IGF1R: variants seen among roughly 807,000 people sequenced by gnomAD.
IGF1R encodes insulin-like growth factor 1 receptor.
IGF1R carries 44 observed loss-of-function variants against 144.6 expected under a neutral mutation model. The ratio of observed to expected loss-of-function variants is 0.30; its 90% CI spans 0.24 to 0.39. The LOEUF (loss-of-function observed/expected upper bound fraction) is 0.39. Ranked by LOEUF, IGF1R falls within the 10% of genes least tolerant of loss-of-function variation. The pLI is 1.00. For synonymous variants in IGF1R, 795 were observed against 722.8 expected, an observed-to-expected ratio of 1.10 and a Z score of -1.60; for missense variants, 1,355 against 1,833.7, an observed-to-expected ratio of 0.74 and a Z score of 4.77.
intron 2 of IGF1R, among the ~76,000 whole-genome samples, chr15:98,754,109 T>G (rs2055089202): frequency 6.6e-6 from 1 of 152,222 alleles, no homozygotes; most frequent in African/African-American, 2.4e-5. Flanking sequence ...TCTTCATATT[T>G]TGTTATTAAT....
chr15:98,908,866 A>T lies in IGF1R; in HGVS notation c.1429A>T (p.Ile477Leu). The change falls in exon 6 of 21, where the codon ATA becomes TTA. Residue 477 changes from isoleucine (I) to leucine (L), a missense_variant. This residue lies in a region of IGF1R where 880 missense variants were observed against 1,202.7 expected (regional missense o/e 0.73). Transcript: ENST00000650285. ...GTKGRQSKGD[I>L]NTRNNGERAS... ...TAAAGGGCGCCAAAGCAAAGGGGAC[A>T]TAAACACCAGGAACAACGGGGAGAG... 1 of 1,614,142 alleles carries T rather than the reference A, an allele frequency of 6.2e-7. No homozygotes were observed. Among genetic ancestry groups the T allele is most frequent in the Non-Finnish European group, 8.5e-7 (1 of 1,179,980 alleles).
chr15:98,942,905 C>T lies in IGF1R; in HGVS notation c.3458-18C>T, dbSNP rs1314305091. ...GCCTGCTCCAGCGTGTGACTCTGCG[C>T]CCTCTCTTCCCTTACAGATTTTGGT... On this transcript the variant is annotated intron_variant, in intron 18 of 20. Transcript: ENST00000650285. 2 of 1,614,006 alleles carry T rather than the reference C, an allele frequency of 1.2e-6. No homozygotes were observed. Among genetic ancestry groups the T allele is most frequent in the Admixed American group, 3.3e-5 (2 of 60,024 alleles).
At chr15:98,712,848 G>A (rs550473754) in intron 2 of IGF1R, among the ~76,000 whole-genome samples, 3 of 149,948 alleles carry the variant, frequency 2.0e-5, no homozygotes, top group South Asian at 2.2e-4. Context: ...GACCTCAGGC[G>A]ATCCACCGGT....
At chr15:98,802,946 G>A (rs2056392096) in intron 2 of IGF1R, among the ~76,000 whole-genome samples, 1 of 152,126 alleles carries the variant, frequency 6.6e-6, no homozygotes, top group African/African-American at 2.4e-5. Context: ...GGTTGACACC[G>A]AACTAATGAT....
intron 2 of IGF1R, among the ~76,000 whole-genome samples, chr15:98,884,853 C>CT (rs1050577435): frequency 6.6e-6 from 1 of 152,108 alleles, no homozygotes; most frequent in African/African-American, 2.4e-5. Flanking sequence ...TATTTTTCCT[C>CT]TTAAGAGTAG....
chr15:98,809,128 C>T (rs868065268), intron 2 of IGF1R, among the ~76,000 whole-genome samples: 17 of 152,140 alleles, frequency 1.1e-4, no homozygotes, highest in African/African-American at 3.9e-4. Flanking sequence ...CTATATATTC[C>T]AGGACTCTGT....
At chr15:98,720,103 G>A (rs527709465) in intron 2 of IGF1R, among the ~76,000 whole-genome samples, 1 of 152,310 alleles carries the variant, frequency 6.6e-6, no homozygotes, top group South Asian at 2.1e-4. Context: ...TCAGATGCCA[G>A]CTCCTCAGCC....
chr15:98,905,988 T>A (rs2014713873), intron 5 of IGF1R, among the ~76,000 whole-genome samples: 1 of 152,242 alleles, frequency 6.6e-6, no homozygotes. Flanking sequence ...GGTTTTATTT[T>A]TATTTTTCTT....
intron 2 of IGF1R, among the ~76,000 whole-genome samples, chr15:98,840,915 A>G (rs1338498156): frequency 6.6e-6 from 1 of 152,014 alleles, no homozygotes; most frequent in Non-Finnish European, 1.5e-5. Context: ...TCCTGACCTC[A>G]GGTGATCCGC....
chr15:98,939,340 A>G lies in IGF1R; in HGVS notation c.3437A>G (p.Asp1146Gly). ...GCCCGGAATTGCATGGTAGCCGAAG[A>G]TTTCACAGTCAAAATCGGAGGTGTG... ...LAARNCMVAE[D>G]FTVKIGDFGM... Residue 1146 changes from aspartate to glycine, a missense_variant, in exon 18 of 21, where the codon GAT becomes GGT. Around this residue, in one of 7 missense-constraint regions of IGF1R, gnomAD observed 77 missense variants for 163.2 expected, o/e 0.47. Transcript: ENST00000650285. The G allele has an allele frequency of 6.2e-7, 1 of 1,614,146 alleles. No homozygotes were observed. The highest frequency in any genetic ancestry group is 8.5e-7 in the Non-Finnish European group (1 of 1,180,028).
At chr15:98,810,178 T>G (rs1215502970) in intron 2 of IGF1R, among the ~76,000 whole-genome samples, 2 of 152,038 alleles carry the variant, frequency 1.3e-5, no homozygotes, top group Non-Finnish European at 2.9e-5. Context: ...GTTTTCCTCT[T>G]GAATCTCTGA....
chr15:98,797,462 A>G (rs2056271300), intron 2 of IGF1R, among the ~76,000 whole-genome samples: 1 of 152,156 alleles, frequency 6.6e-6, no homozygotes, highest in Non-Finnish European at 1.5e-5. Context: ...AGTAACTTCA[A>G]ATTGTTTTTC....
At chr15:98,945,266 C>A (rs193042984) in intron 19 of IGF1R, among the ~76,000 whole-genome samples, 1 of 152,366 alleles carries the variant, frequency 6.6e-6, no homozygotes, top group African/African-American at 2.4e-5. Context: ...TTATTTGCTT[C>A]TTTCATGACT....
Position 98,922,232 on chromosome 15 carries a change from C to G in IGF1R, c.2286C>G (p.Thr762=). ...GCAGGAACACCACGGCCGCAGACAC[C>G]TACAACATCACCGACCCGGAAGAGC... ...SRSRNTTAAD[T]YNITDPEELE... Residue 762 remains threonine (T), a synonymous_variant, in exon 11 of 21, where the codon ACC becomes ACG. Transcript: ENST00000650285. 6.2e-7 allele frequency: 1 copy of G among 1,614,212 alleles called. No individual in the cohort carries two copies. Among genetic ancestry groups the G allele is most frequent in the South Asian group, 1.1e-5 (1 of 91,082 alleles).
At position 98,895,869 on chromosome 15, in the gene IGF1R, A is replaced by T. The variant is rs45542533; in HGVS notation, c.954-888A>T. Among the ~76,000 whole-genome samples, 228 of 152,334 alleles carry T rather than the reference A, an allele frequency of 1.5e-3. 2 individuals are homozygous for T. The highest frequency in any genetic ancestry group is 5.1e-3 in the African/African-American group (213 of 41,578). ...TACCATCCTATTACACACACATCGC[A>T]TAAGTTCGTATTATTTGTCTTGTTT... is the stretch of plus-strand genomic sequence containing the variant. On this transcript the variant is annotated intron_variant, in intron 3 of 20. Transcript: ENST00000650285.
chr15:98,941,467 TC>T (rs1160027060), intron 18 of IGF1R, among the ~76,000 whole-genome samples: 2 of 152,268 alleles, frequency 1.3e-5, no homozygotes, highest in African/African-American at 4.8e-5. Flanking sequence ...TCATGGTTTT[TC>T]TTTCTGGAAT....
At chr15:98,750,225 C>T (rs1404163696) in intron 2 of IGF1R, among the ~76,000 whole-genome samples, 6 of 152,200 alleles carry the variant, frequency 3.9e-5, no homozygotes, top group African/African-American at 1.4e-4. Context: ...GACACTGGGG[C>T]ACCTGGCTGT....
At position 98,661,273 on chromosome 15, in the gene IGF1R, G is replaced by A. The variant is rs559316996; in HGVS notation, c.94+11598G>A. On this transcript the variant is annotated intron_variant, in intron 1 of 20. Coordinates refer to ENST00000650285, the MANE Select transcript of IGF1R (RefSeq NM_000875.5). Reference sequence around the variant, plus strand: ...ACCCTCTCCAACCCTGCCGGTTTTGGTTGCTGGTGAAGGCCTTTGACAGTG... The same window carrying A: ...ACCCTCTCCAACCCTGCCGGTTTTGATTGCTGGTGAAGGCCTTTGACAGTG... Among the ~76,000 whole-genome samples the A allele has an allele frequency of 1.8e-4, 27 of 152,266 alleles. No homozygotes were observed. In the South Asian group the frequency reaches 1.9e-3, roughly 11 times the overall value.
At chr15:98,699,022 CAG>C (rs1178288928) in intron 1 of IGF1R, among the ~76,000 whole-genome samples, 15 of 152,198 alleles carry the variant, frequency 9.9e-5, no homozygotes, top group Non-Finnish European at 1.6e-4. Flanking sequence ...AGTGAGAGGA[CAG>C]GGGACACAGG....
Sources: allele counts gnomAD v4.1 joint callset (sites outside exome capture counted in the v4.1 genomes callset), GRCh38; gene constraint gnomAD v4.1.1; regional missense constraint gnomAD v4.1.1; transcripts MANE v1.5; gene names NCBI Gene and HGNC (gene_info 2026-07-23, HGNC 2026-07-21).